APOLD1: variants seen among roughly 807,000 people sequenced by gnomAD.
APOLD1 encodes the protein apolipoprotein L domain containing 1, also known as apolipoprotein L domain-containing protein 1.
APOLD1 carries 22 observed loss-of-function variants against 15.3 expected under a neutral mutation model. That is an observed-to-expected ratio of 1.44 (90% confidence interval 1.03 to 2.05). The LOEUF (loss-of-function observed/expected upper bound fraction) is 2.05. APOLD1 is among the 30% of genes most tolerant of loss of function. APOLD1 has a pLI of 0.00. For missense variants in APOLD1, 394 were observed against 353.5 expected (o/e 1.11, Z -0.92); for synonymous variants, 190 against 167.4 (o/e 1.13, Z -1.04).
At chr12:12,733,895 C>T (rs556462747) in intron 1 of APOLD1, among the ~76,000 whole-genome samples, 40 of 152,324 alleles carry the variant, frequency 2.6e-4, no homozygotes, top group African/African-American at 9.1e-4. Flanking sequence ...TGAGCCACCG[C>T]GCCCAGCCGG....
At chr12:12,759,656 A>AT (rs1946882428) in intron 1 of APOLD1, among the ~76,000 whole-genome samples, 1 of 152,216 alleles carries the variant, frequency 6.6e-6, no homozygotes, top group Non-Finnish European at 1.5e-5. Context: ...ATTTAGCCTT[A>AT]TTGAAGTGTG....
chr12:12,766,274 T>C (rs908643808), intron 1 of APOLD1, among the ~76,000 whole-genome samples: 2 of 152,202 alleles, frequency 1.3e-5, no homozygotes, highest in African/African-American at 4.8e-5. Context: ...CAAATTTGGT[T>C]TGGATGTCTA....
chr12:12,779,408 T>C (rs780781423), intron 1 of APOLD1, among the ~76,000 whole-genome samples: 2 of 152,216 alleles, frequency 1.3e-5, no homozygotes. Flanking sequence ...CAATACACAT[T>C]AGTGGAGCTG....
intron 1 of APOLD1, among the ~76,000 whole-genome samples, chr12:12,758,419 C>A (rs1453664190): frequency 1.3e-5 from 2 of 152,024 alleles, no homozygotes; most frequent in African/African-American, 4.8e-5. Flanking sequence ...GTGGTGCATG[C>A]CTGTAATCCC....
At chr12:12,776,003 CAAAAAAAAA>C (rs34623976) in intron 1 of APOLD1, among the ~76,000 whole-genome samples, 1 of 62,204 alleles carries the variant, frequency 1.6e-5, no homozygotes, top group South Asian at 5.8e-4. Flanking sequence ...GACCCAGTCT[CAAAAAAAAA>C]AAAAAAAAAA....
chr12:12,761,830 T>TAGAGAGAGAGAGAGAG (rs6144616), intron 1 of APOLD1, among the ~76,000 whole-genome samples: 11,779 of 114,326 alleles, frequency 0.1, 920 homozygotes, highest in Non-Finnish European at 0.12. Flanking sequence ...TGTATATGTA[T>TAGAGAGAGAGAGAGAG]AGAGAGAGAG....
chr12:12,778,526 CTG>C (rs1223998128), intron 1 of APOLD1, among the ~76,000 whole-genome samples: 1 of 150,498 alleles, frequency 6.6e-6, no homozygotes, highest in East Asian at 2.0e-4. Flanking sequence ...TGGGTTCTCA[CTG>C]TGTTGCCCAG....
At chr12:12,783,003 C>T (rs182952207), upstream of APOLD1, among the ~76,000 whole-genome samples, 5 of 152,060 alleles carry the variant, frequency 3.3e-5, no homozygotes, top group East Asian at 1.9e-4. Context: ...GTCAGGAGTT[C>T]GAGACCAGCC....
At chr12:12,726,385 C>A in intron 1 of APOLD1, 1 of 499,460 alleles carries the variant, frequency 2.0e-6, no homozygotes, top group Non-Finnish European at 3.7e-6. Context: ...TACGGAAATT[C>A]TTTTGATAAA....
rs140548870 is a variant in APOLD1 at position 12,744,614 on chromosome 12, T to C, written c.96+18518T>C. Among the ~76,000 whole-genome samples the C allele has an allele frequency of 4.6e-3, 706 of 152,244 alleles. 5 individuals are homozygous for C. Among genetic ancestry groups the C allele is most frequent in the African/African-American group, 0.016 (655 of 41,524 alleles). ...ACAAAGAACTGCTTGGTTTCTGATT[T>C]CTCAGCTCTCAACTCTAGGCAGGTG... On this transcript the variant is annotated intron_variant, in intron 1 of 1. Coordinates refer to the APOLD1 transcript ENST00000326765.
At chr12:12,742,795 C>T (rs1056888508) in intron 1 of APOLD1, among the ~76,000 whole-genome samples, 2 of 150,552 alleles carry the variant, frequency 1.3e-5, no homozygotes, top group Non-Finnish European at 2.9e-5. Context: ...GTCAGGGTCT[C>T]ACTCTGTCAC....
At chr12:12,765,912 AGAGTAGATCTTCTG>A (rs1403857645) in intron 1 of APOLD1, among the ~76,000 whole-genome samples, 1 of 152,204 alleles carries the variant, frequency 6.6e-6, no homozygotes, top group Non-Finnish European at 1.5e-5. Flanking sequence ...TCAAAGTCAA[AGAGTAGATCTTCTG>A]TGCTCTAGTG....
chr12:12,781,046 T>C (rs148934240), upstream of APOLD1, among the ~76,000 whole-genome samples: 1 of 152,320 alleles, frequency 6.6e-6, no homozygotes, highest in East Asian at 1.9e-4. Flanking sequence ...CCTGTGACTA[T>C]ATTGTGAATA....
upstream of APOLD1, among the ~76,000 whole-genome samples, chr12:12,782,446 C>CT (rs1284546687): frequency 5.9e-5 from 9 of 152,164 alleles, no homozygotes; most frequent in African/African-American, 2.2e-4. Flanking sequence ...CTCGTCCTTC[C>CT]TACACTGAAT....
At chr12:12,758,137 T>G (rs548529296) in intron 1 of APOLD1, among the ~76,000 whole-genome samples, 1 of 149,412 alleles carries the variant, frequency 6.7e-6, no homozygotes, top group Non-Finnish European at 1.5e-5. Flanking sequence ...GGGGTTTCAC[T>G]GTGTTAGCCA....
Position 12,787,373 on chromosome 12 carries a change from G to T in APOLD1, c.468G>T (p.Gly156=). 1.2e-6 allele frequency: 2 copies of T among 1,614,156 alleles called. No individual in the cohort carries two copies. The highest frequency in any genetic ancestry group is 1.7e-6 in the Non-Finnish European group (2 of 1,180,034). ...GCGDRQLLQC[G]RNASIALYNS... ...GGGACCGCCAGCTGCTGCAGTGCGG[G>T]AGGAACGCCTCCATCGCCCTGTACA... The change falls in exon 2 of 2, where the codon GGG becomes GGT. Residue 156 remains glycine, a synonymous_variant. Coordinates refer to ENST00000356591, the MANE Select transcript of APOLD1 (RefSeq NM_030817.3). This position sits in a 1 kb window ranked among gnomAD's most constrained non-coding sequence, Gnocchi z 4.9.
intron 1 of APOLD1, among the ~76,000 whole-genome samples, chr12:12,776,305 G>A (rs1947033245): frequency 6.6e-6 from 1 of 152,158 alleles, no homozygotes; most frequent in Admixed American, 6.6e-5. Context: ...TACAAAACAA[G>A]CAGGTGTTAT....
At chr12:12,729,877 T>C (rs1224153780) in intron 1 of APOLD1, among the ~76,000 whole-genome samples, 1 of 150,896 alleles carries the variant, frequency 6.6e-6, no homozygotes, top group African/African-American at 2.4e-5. Flanking sequence ...TACTGGGACA[T>C]TTTTTTTTGA....
intron 1 of APOLD1, among the ~76,000 whole-genome samples, chr12:12,766,892 CAG>C (rs1946946700): frequency 6.6e-6 from 1 of 151,948 alleles, no homozygotes; most frequent in African/African-American, 2.4e-5. Flanking sequence ...AACAAATAAA[CAG>C]AAAAAAAGAA....
Sources: allele counts gnomAD v4.1 joint callset (sites outside exome capture counted in the v4.1 genomes callset), GRCh38; gene constraint gnomAD v4.1.1; non-coding constraint Gnocchi (gnomAD v3.1); transcripts MANE v1.5; gene names NCBI Gene and HGNC (gene_info 2026-07-23, HGNC 2026-07-21).